GLG1: variants seen among roughly 807,000 people sequenced by gnomAD.
GLG1 encodes golgi glycoprotein 1.
Under a neutral mutation model 160.5 loss-of-function variants are expected in GLG1, and 38 were observed. The observed-to-expected ratio is 0.24, with a 90% CI of 0.18 to 0.31. GLG1 has a LOEUF of 0.31. Among genes scored for constraint, GLG1 ranks in the 10% least tolerant of loss-of-function variants. GLG1 has a pLI of 1.00. For synonymous variants in GLG1, 644 were observed against 543.4 expected (o/e 1.19, Z -2.57); for missense variants, 1,373 against 1,505.2 (o/e 0.91, Z 1.45).
In GLG1 at chr16:74,452,171, A is replaced by G. The variant is rs1196794430; in HGVS notation, c.*996T>C. The G allele has an allele frequency of 6.2e-7, 1 of 1,607,810 alleles. No individual in the cohort carries two copies. Among genetic ancestry groups the G allele is most frequent in the African/African-American group, 1.3e-5 (1 of 74,878 alleles). On this transcript the variant is annotated 3_prime_UTR_variant, in exon 26 of 26. Transcript: ENST00000422840. ...AAAGTGAGTCAAACCTCTGGCTCCCACTTCCTGACCCACTGCTCCCCACAC... is the reference window on the plus strand; with the variant it reads ...AAAGTGAGTCAAACCTCTGGCTCCCGCTTCCTGACCCACTGCTCCCCACAC...
chr16:74,605,488 T>C lies in GLG1; in HGVS notation c.438+1169A>G, dbSNP rs537787117. Among the ~76,000 whole-genome samples the C allele has an allele frequency of 9.2e-5, 14 of 152,302 alleles. No homozygotes were observed. The South Asian group carries it at 2.5e-3, about 27-fold the overall frequency. On this transcript the variant is annotated intron_variant, in intron 1 of 25. Transcript: ENST00000422840. ...GTTCGACAGAGTTAGGAATATTAGC[T>C]GTATCTACCAGAGGACTATCCCTCT...
rs780737600 is a variant in GLG1 at position 74,491,076 on chromosome 16, T to G, written c.1374A>C (p.Lys458Asn). 6.2e-7 allele frequency: 1 copy of G among 1,614,134 alleles called. No homozygotes were observed. Among genetic ancestry groups the G allele is most frequent in the Non-Finnish European group, 8.5e-7 (1 of 1,179,962 alleles). ...TCATCAGACAGTGTAGGGTCCGCCCTTTTCGATGTAATCCGGAACAATGGT... is the reference window on the plus strand; with the variant it reads ...TCATCAGACAGTGTAGGGTCCGCCCGTTTCGATGTAATCCGGAACAATGGT... ...IEHHCSGLHR[K>N]GRTLHCLMKV... Residue 458 changes from lysine (K) to asparagine (N), a missense_variant, in exon 8 of 26, where the codon AAA (lysine) becomes AAC (asparagine). This residue lies in a region of GLG1 where 386 missense variants were observed against 388.5 expected (regional missense o/e 0.99). Transcript: ENST00000422840.
Position 74,472,149 on chromosome 16 carries a change from T to TC in GLG1, c.2115+199dup, listed in dbSNP as rs565708697. Among the ~76,000 whole-genome samples, 278 of 152,270 alleles carry TC rather than the reference T, an allele frequency of 1.8e-3. 2 individuals are homozygous for TC. The South Asian group carries it at 0.026, about 14-fold the overall frequency. ...TTGAAATCCTGGGCTCAAGTGCTCCTCCTTGGCTTCAAAGTGCTGGGATTA... is the reference window on the plus strand; with the variant it reads ...TTGAAATCCTGGGCTCAAGTGCTCCTCCCTTGGCTTCAAAGTGCTGGGATTA... On this transcript the variant is annotated intron_variant, in intron 14 of 25. Transcript: ENST00000422840.
chr16:74,542,247 A>G (rs1299657590), intron 1 of GLG1, among the ~76,000 whole-genome samples: 8 of 146,136 alleles, frequency 5.5e-5, no homozygotes, highest in Non-Finnish European at 9.0e-5. Flanking sequence ...TGAATAATGA[A>G]CAGAATTATC....
intron 1 of GLG1, among the ~76,000 whole-genome samples, chr16:74,577,248 G>A (rs1278121579): frequency 1.3e-5 from 2 of 152,120 alleles, no homozygotes; most frequent in Non-Finnish European, 2.9e-5. Context: ...AGGACTGGGT[G>A]TGGTGGCTCC....
rs548461001 is a variant in GLG1 at position 74,478,013 on chromosome 16, T to TAAATAAATAAATAAAA, written c.1828-481_1828-480insTTTTATTTATTTATTT. On this transcript the variant is annotated intron_variant, in intron 11 of 25. Transcript: ENST00000422840. ...ATAAATAAATAAATAAATAAATAAA[T>TAAATAAATAAATAAAA]AAAATGTGCAAGAGGCTTCGAAAAG... 7.8e-3 allele frequency among the ~76,000 whole-genome samples: 1,172 copies of TAAATAAATAAATAAAA among 150,452 alleles called. 29 individuals are homozygous for TAAATAAATAAATAAAA. In the South Asian group the frequency reaches 0.079, roughly 10 times the overall value.
At chr16:74,601,230 C>T (rs1958431095) in intron 1 of GLG1, among the ~76,000 whole-genome samples, 1 of 151,960 alleles carries the variant, frequency 6.6e-6, no homozygotes, top group Admixed American at 6.6e-5. Flanking sequence ...TATATACATA[C>T]CCAGAGAATA....
chr16:74,521,850 G>A (rs1035810949), intron 2 of GLG1, among the ~76,000 whole-genome samples: 3 of 152,156 alleles, frequency 2.0e-5, no homozygotes, highest in Middle Eastern at 3.2e-3. Context: ...TAGTCACAGG[G>A]GCATGGAAAG....
intron 1 of GLG1, among the ~76,000 whole-genome samples, chr16:74,556,833 G>A (rs79367520): frequency 0.12 from 18,675 of 150,712 alleles, 1,605 homozygotes; most frequent in Admixed American, 0.23. Context: ...ATGAGTAAGA[G>A]AATAGCTGAA....
chr16:74,536,250 G>T (rs1272646380), intron 1 of GLG1, among the ~76,000 whole-genome samples: 3 of 152,112 alleles, frequency 2.0e-5, no homozygotes, highest in Non-Finnish European at 4.4e-5. Flanking sequence ...AGTGCAGACA[G>T]GCTCACTTGT....
chr16:74,543,669 T>G (rs148026062), intron 1 of GLG1, among the ~76,000 whole-genome samples: 40,860 of 152,092 alleles, frequency 0.27, 5,976 homozygotes, highest in Middle Eastern at 0.35. Context: ...TGGGAAATAC[T>G]GATAAACTAA....
At chr16:74,454,676 A>C (rs1284215588) in intron 25 of GLG1, among the ~76,000 whole-genome samples, 43 of 137,650 alleles carry the variant, frequency 3.1e-4, no homozygotes, top group Non-Finnish European at 4.8e-4. Context: ...CAAAAAAAAA[A>C]AAAAAAAAAA....
intron 1 of GLG1, among the ~76,000 whole-genome samples, chr16:74,556,818 A>G (rs1479373382): frequency 6.6e-6 from 1 of 150,680 alleles, no homozygotes; most frequent in Non-Finnish European, 1.5e-5. Flanking sequence ...AATAGTCTTT[A>G]GCCAATGAGT....
chr16:74,462,332 T>G, intron 21 of GLG1, 137 bp from the exon 22 acceptor site: 1 of 806,798 alleles, frequency 1.2e-6, no homozygotes, highest in Non-Finnish European at 2.0e-6. Flanking sequence ...AAAAACAAAA[T>G]GCCTGCTTTT....
chr16:74,577,436 C>A (rs979025957), intron 1 of GLG1, among the ~76,000 whole-genome samples: 6 of 150,486 alleles, frequency 4.0e-5, no homozygotes, highest in Non-Finnish European at 5.9e-5. Context: ...ACAGGAGAAT[C>A]GCTTGAACTC....
chr16:74,561,007 T>TA (rs1175995807), intron 1 of GLG1, among the ~76,000 whole-genome samples: 1 of 152,230 alleles, frequency 6.6e-6, no homozygotes, highest in Non-Finnish European at 1.5e-5. Flanking sequence ...TTAGAAGAGA[T>TA]ATAGTCTGGC....
intron 2 of GLG1, among the ~76,000 whole-genome samples, chr16:74,529,314 C>T (rs938187371): frequency 1.2e-4 from 18 of 152,000 alleles, no homozygotes; most frequent in Admixed American, 3.3e-4. Flanking sequence ...TAAAACTACC[C>T]ATAAGTTCTT....
At chr16:74,531,475 T>A (rs2017531243) in intron 2 of GLG1, among the ~76,000 whole-genome samples, 1 of 152,182 alleles carries the variant, frequency 6.6e-6, no homozygotes, top group Non-Finnish European at 1.5e-5. Context: ...TGCACCGCCA[T>A]GCCCAGCTAA....
intron 1 of GLG1, among the ~76,000 whole-genome samples, chr16:74,556,413 T>A (rs1417948248): frequency 6.6e-6 from 1 of 152,166 alleles, no homozygotes; most frequent in Non-Finnish European, 1.5e-5. Context: ...TTGGTTTTGT[T>A]TGGGGCTAAC....
Sources: allele counts gnomAD v4.1 joint callset (sites outside exome capture counted in the v4.1 genomes callset), GRCh38; gene constraint gnomAD v4.1.1; regional missense constraint gnomAD v4.1.1; transcripts MANE v1.5; gene names NCBI Gene and HGNC (gene_info 2026-07-23, HGNC 2026-07-21).